DICER1: variants seen among roughly 807,000 people sequenced by gnomAD.
DICER1 encodes the protein dicer 1, ribonuclease III, also known as endoribonuclease Dicer.
In DICER1, 43 loss-of-function variants were observed where a neutral mutation model predicts 194.1. The observed-to-expected ratio is 0.22, with a 90% CI of 0.17 to 0.29. The LOEUF (loss-of-function observed/expected upper bound fraction) is 0.29. Among genes scored for constraint, DICER1 ranks in the 10% least tolerant of loss-of-function variants. The probability of loss-of-function intolerance (pLI) is 1.00; values close to 1 mark genes in which losing one functional copy is unlikely to be tolerated. For synonymous variants in DICER1, 832 were observed against 820.5 expected, an observed-to-expected ratio of 1.01 and a Z score of -0.24; for missense variants, 1,608 against 2,317.0, an observed-to-expected ratio of 0.69 and a Z score of 6.28.
rs774583162 is a variant in DICER1, at chr14:95,103,917, G to T, written c.3479C>A (p.Ser1160Tyr). 199 of 1,614,138 alleles carry T rather than the reference G, an allele frequency of 1.2e-4. 1 individual carries two copies. The East Asian group carries it at 4.4e-3, about 35-fold the overall frequency. ...AACTTCAACGTGGAGCTTACCAGGGGACTCGCTGAGCAACGTTCTGCAGTT... is the reference window on the plus strand; with the variant it reads ...AACTTCAACGTGGAGCTTACCAGGGTACTCGCTGAGCAACGTTCTGCAGTT... ...SVNCRTLLSE[S>Y]PGKLHVEVSA... The change falls in exon 21 of 27, where the codon TCC becomes TAC. Residue 1160 changes from serine (S) to tyrosine (Y), a missense_variant. This residue lies in a region of DICER1 where 222 missense variants were observed against 215.5 expected (regional missense o/e 1.03). Transcript: ENST00000343455.
chr14:95,101,906 T>C (rs1345882907), intron 21 of DICER1, among the ~76,000 whole-genome samples: 1 of 152,130 alleles, frequency 6.6e-6, no homozygotes, highest in African/African-American at 2.4e-5. Context: ...GCAGTTAGTG[T>C]GATGGGGAAG....
chr14:95,103,999 C>T lies in DICER1; in HGVS notation c.3397G>A (p.Ala1133Thr), dbSNP rs1555369675. The T allele has an allele frequency of 6.2e-7, 1 of 1,614,140 alleles. No homozygotes were observed. Among genetic ancestry groups the T allele is most frequent in the Non-Finnish European group, 8.5e-7 (1 of 1,180,010 alleles). The change falls in exon 21 of 27, where the codon GCA becomes ACA. Residue 1133 changes from alanine to threonine, a missense_variant. Coordinates refer to ENST00000343455, the MANE Select transcript of DICER1 (RefSeq NM_177438.3). Reference protein sequence around the residue: ...KHSTIVPENAAHQGANRTSSL... With the variant: ...KHSTIVPENATHQGANRTSSL... ...GAGGTTCTATTAGCACCTTGATGTG[C>T]AGCATTTTCAGGGACAATTGTGCTG...
intron 14 of DICER1, among the ~76,000 whole-genome samples, chr14:95,108,926 T>A (rs913753984): frequency 6.6e-6 from 1 of 152,220 alleles, no homozygotes. Context: ...TATAATCCTA[T>A]CACTCAAAGA....
Position 95,103,971 on chromosome 14 carries a change from G to C in DICER1, c.3425C>G (p.Ser1142Cys), listed in dbSNP as rs1212563071. Reference protein sequence around the residue: ...AAHQGANRTSSLENHDQMSVN... With the variant: ...AAHQGANRTSCLENHDQMSVN... Reference sequence around the variant, plus strand: ...AGACATTTGGTCATGATTTTCTAGAGAGGAGGTTCTATTAGCACCTTGATG... The same window carrying C: ...AGACATTTGGTCATGATTTTCTAGACAGGAGGTTCTATTAGCACCTTGATG... The change falls in exon 21 of 27, where the codon TCT becomes TGT. Residue 1142 changes from serine to cysteine, a missense_variant. Physicochemically the swap from Ser to Cys is moderately radical, Grantham distance 112 (BLOSUM62 -1). Around this residue, in one of 10 missense-constraint regions of DICER1, gnomAD observed 222 missense variants for 215.5 expected, o/e 1.03. Transcript: ENST00000343455. The C allele has an allele frequency of 1.2e-6, 2 of 1,614,208 alleles. No homozygotes were observed. The highest frequency in any genetic ancestry group is 1.1e-5 in the South Asian group (1 of 91,082).
rs1376500703 is a variant in DICER1 at position 95,095,955 on chromosome 14, T to C, written c.4965A>G (p.Ala1655=). The change falls in exon 23 of 27, where the codon GCA becomes GCG. Residue 1655 remains alanine, a synonymous_variant. Transcript: ENST00000343455. ...ATATAAGGTGATTCAGTGTTTTATC[T>C]GCATCTGGATGATCAAACATACATC... The part of the protein sequence containing the change: ...PPRCMFDHPD[A]DKTLNHLISG... 6.2e-7 allele frequency: 1 copy of C among 1,614,110 alleles called. No individual in the cohort carries two copies. The highest frequency in any genetic ancestry group is 1.3e-5 in the African/African-American group (1 of 74,938).
chr14:95,100,720 C>T (rs527961751), intron 21 of DICER1, among the ~76,000 whole-genome samples: 2 of 152,238 alleles, frequency 1.3e-5, no homozygotes, highest in Non-Finnish European at 2.9e-5. Context: ...TCATAAAGCT[C>T]GGTTCCTTAT....
chr14:95,140,625 CT>C (rs1163698632), intron 1 of DICER1: 1 of 152,190 alleles, frequency 6.6e-6, no homozygotes, highest in Middle Eastern at 3.2e-3. Flanking sequence ...AATAAACTCT[CT>C]TCCTCTTTCC....
chr14:95,111,614 G>A (rs528772868), intron 13 of DICER1, among the ~76,000 whole-genome samples, 158 bp from the exon 14 acceptor site: 2 of 152,226 alleles, frequency 1.3e-5, no homozygotes, highest in East Asian at 3.9e-4. Context: ...TCACACTTCA[G>A]GCAAAGTCTA....
At chr14:95,132,020 T>C (rs1893993771) in intron 3 of DICER1, among the ~76,000 whole-genome samples, 1 of 152,210 alleles carries the variant, frequency 6.6e-6, no homozygotes, top group Non-Finnish European at 1.5e-5. Context: ...AATATATTAG[T>C]GCCCTACCAG....
In DICER1 at chr14:95,105,398, A is replaced by T; in HGVS notation, c.3094-152T>A. 1.3e-6 allele frequency: 1 copy of T among 792,834 alleles called. No homozygotes were observed. The highest frequency in any genetic ancestry group is 2.0e-6 in the Non-Finnish European group (1 of 489,438). 49.1% of individuals were successfully genotyped at this position (792,834 alleles called of 1,614,324 possible). ...TTTGTAAAAATAATCCTCTAAGGCC[A>T]AATGGGATTTATCAAAGGATTTATG... On this transcript the variant is annotated intron_variant, in intron 19 of 26. Transcript: ENST00000343455. This position sits in a 1 kb window ranked among gnomAD's most constrained non-coding sequence, Gnocchi z 4.9.
Position 95,091,376 on chromosome 14 carries a change from G to T in DICER1, c.5365-11C>A, listed in dbSNP as rs747847208. ...CTCAGATCTCCTAAGCTATTACAGA[G>T]GGAAAAGTGACTTGTAAGCAAAAAG... On this transcript the variant is annotated splice_polypyrimidine_tract_variant and intron_variant, in intron 24 of 26. Transcript: ENST00000343455. The T allele has an allele frequency of 6.2e-7, 1 of 1,613,780 alleles. No homozygotes were observed. The highest frequency in any genetic ancestry group is 8.5e-7 in the Non-Finnish European group (1 of 1,179,936).
At position 95,093,001 on chromosome 14, in the gene DICER1, C is replaced by A; in HGVS notation, c.5364+887G>T. Reference sequence around the variant, plus strand: ...CTCCAGTGCACATCTGGGCAGCTGGCAGGGCGTGAACTCGGCTCTGCGGCT... The same window carrying A: ...CTCCAGTGCACATCTGGGCAGCTGGAAGGGCGTGAACTCGGCTCTGCGGCT... On this transcript the variant is annotated intron_variant, in intron 24 of 26. Transcript: ENST00000343455. Among the ~76,000 whole-genome samples, 2 of 152,192 alleles carry A rather than the reference C, an allele frequency of 1.3e-5. 1 individual carries two copies. Among genetic ancestry groups the A allele is most frequent in the East Asian group, 3.9e-4 (2 of 5,190 alleles).
At position 95,089,690 on chromosome 14, in the gene DICER1, T is replaced by A. The variant is rs948250041; in HGVS notation, c.*808A>T. Reference sequence around the variant, plus strand: ...ACATATGACAGAAATTTTAGTATGATCCTGTAATAAGTTACAACTATACTA... The same window carrying A: ...ACATATGACAGAAATTTTAGTATGAACCTGTAATAAGTTACAACTATACTA... On this transcript the variant is annotated 3_prime_UTR_variant, in exon 27 of 27. Transcript: ENST00000343455. 13 of 231,750 alleles carry A rather than the reference T, an allele frequency of 5.6e-5. No individual in the cohort carries two copies. Among genetic ancestry groups the A allele is most frequent in the African/African-American group, 2.9e-4 (13 of 45,256 alleles). 14.4% of individuals were successfully genotyped at this position (231,750 alleles called of 1,614,324 possible). A position where few individuals can be genotyped will look rare whatever the true frequency, so the allele number is the denominator to read the frequency against.
At chr14:95,116,724 A>C (rs771008483) in intron 9 of DICER1, 29 bp from the exon 10 acceptor site, 1 of 1,611,418 alleles carries the variant, frequency 6.2e-7, no homozygotes. Context: ...CAAGAAAAGC[A>C]CTTCTAAGAA....
At chr14:95,092,078 C>T (rs375125096) in intron 24 of DICER1, among the ~76,000 whole-genome samples, 26 of 152,188 alleles carry the variant, frequency 1.7e-4, no homozygotes, top group East Asian at 1.5e-3. Context: ...ATTAAACATC[C>T]TAACCAAAAA....
At chr14:95,147,327 G>A (rs1385283527) in intron 1 of DICER1, among the ~76,000 whole-genome samples, 1 of 152,176 alleles carries the variant, frequency 6.6e-6, no homozygotes, top group Non-Finnish European at 1.5e-5. Flanking sequence ...TTAGCCAGGT[G>A]TGGTGGCATG....
Position 95,087,548 on chromosome 14 carries a change from T to A in DICER1, c.*2950A>T. On this transcript the variant is annotated 3_prime_UTR_variant, in exon 27 of 27. Transcript: ENST00000343455. ...GCAAGGCCAAACCACATTTTTTTCC[T>A]CTCTGTTAAGCATATTTTCTTGAAA... is the stretch of plus-strand genomic sequence containing the variant. 1 of 233,150 alleles carries A rather than the reference T, an allele frequency of 4.3e-6. No homozygotes were observed. The highest frequency in any genetic ancestry group is 1.8e-4 in the South Asian group (1 of 5,516). 14.4% of individuals were successfully genotyped at this position (233,150 alleles called of 1,614,324 possible).
chr14:95,123,054 T>C (rs559406152), intron 8 of DICER1, among the ~76,000 whole-genome samples: 1 of 152,060 alleles, frequency 6.6e-6, no homozygotes, highest in African/African-American at 2.4e-5. Context: ...AAGTTAGGGA[T>C]CAACTGTGGC....
At chr14:95,117,595 T>C (rs1334295709) in intron 9 of DICER1, 27 bp downstream of exon 9, 2 of 1,613,550 alleles carry the variant, frequency 1.2e-6, no homozygotes, top group Non-Finnish European at 8.5e-7. Flanking sequence ...AAAACTGTTA[T>C]TGTACACTTA....
Sources: allele counts gnomAD v4.1 joint callset (sites outside exome capture counted in the v4.1 genomes callset), GRCh38; gene constraint gnomAD v4.1.1; regional missense constraint gnomAD v4.1.1; non-coding constraint Gnocchi (gnomAD v3.1); transcripts MANE v1.5; gene names NCBI Gene and HGNC (gene_info 2026-07-23, HGNC 2026-07-21).